Variants in SUGCT observed in about 807,000 individuals in gnomAD.
SUGCT encodes the protein succinyl-CoA:glutarate-CoA transferase, also known as succinyl-CoA:glutarate CoA-transferase.
SUGCT carries 41 observed loss-of-function variants against 55.0 expected under a neutral mutation model. The observed-to-expected ratio is 0.74, with a 90% CI of 0.58 to 0.97. The LOEUF (loss-of-function observed/expected upper bound fraction) is 0.97. Ranked by LOEUF, SUGCT falls within the 50% of genes least tolerant of loss-of-function variation. The pLI is 0.00. For synonymous variants in SUGCT, 187 were observed against 200.4 expected (o/e 0.93, Z 0.56); for missense variants, 568 against 547.8 (o/e 1.04, Z -0.37).
Position 40,723,715 on chromosome 7 carries a change from A to G in SUGCT, c.1090-25719A>G, listed in dbSNP as rs187313458. ...ACTTTTTGGTGAAAAAAACAAAAGT[A>G]TGACTTTCCAGGAAACACTAGAGTT... On this transcript the variant is annotated intron_variant, in intron 12 of 13. Transcript: ENST00000335693. 7.0e-4 allele frequency among the ~76,000 whole-genome samples: 106 copies of G among 152,348 alleles called. 1 individual carries two copies. Among genetic ancestry groups the G allele is most frequent in the African/African-American group, 2.4e-3 (99 of 41,580 alleles).
At chr7:40,792,909 A>G (rs1454549233) in intron 13 of SUGCT, among the ~76,000 whole-genome samples, 3 of 152,094 alleles carry the variant, frequency 2.0e-5, no homozygotes, top group African/African-American at 7.2e-5. Flanking sequence ...AGGCTTTTAA[A>G]AGTACAAATT....
chr7:40,205,141 C>A (rs1335912889), intron 6 of SUGCT, among the ~76,000 whole-genome samples: 4 of 150,988 alleles, frequency 2.6e-5, no homozygotes, highest in African/African-American at 9.7e-5. Flanking sequence ...GTACTCCTAG[C>A]TACTCGGGGA....
At chr7:40,868,691 A>T in the SUGCT span, among the ~76,000 whole-genome samples, 1 of 152,092 alleles carries the variant, frequency 6.6e-6, no homozygotes, top group Non-Finnish European at 1.5e-5. Flanking sequence ...GACTACAGGC[A>T]TGCACCACCA....
chr7:40,794,416 G>A (rs1322771705), intron 13 of SUGCT, among the ~76,000 whole-genome samples: 1 of 152,082 alleles, frequency 6.6e-6, no homozygotes, highest in African/African-American at 2.4e-5. Context: ...TGCTGTGTCA[G>A]GGTTCTTGCC....
At chr7:41,026,761 C>T in the SUGCT span, among the ~76,000 whole-genome samples, 2 of 152,206 alleles carry the variant, frequency 1.3e-5, no homozygotes, top group Non-Finnish European at 1.5e-5. Flanking sequence ...AGGCTGTGTG[C>T]GGTGGCTCAT....
chr7:40,928,423 A>G, the SUGCT span, among the ~76,000 whole-genome samples: 1 of 151,878 alleles, frequency 6.6e-6, no homozygotes, highest in Admixed American at 6.6e-5. Flanking sequence ...CTTTTATACC[A>G]TCATATCTGG....
intron 10 of SUGCT, among the ~76,000 whole-genome samples, chr7:40,456,896 T>A (rs958340099): frequency 6.6e-6 from 1 of 152,122 alleles, no homozygotes; most frequent in Non-Finnish European, 1.5e-5. Context: ...AATAGCGCCA[T>A]ATTGTGTAGA....
At chr7:40,924,717 T>A in the SUGCT span, among the ~76,000 whole-genome samples, 41 of 152,154 alleles carry the variant, frequency 2.7e-4, no homozygotes, top group Non-Finnish European at 7.3e-5. Flanking sequence ...GGGCTCAGAT[T>A]TACAGTGTGC....
At chr7:40,625,202 G>A (rs1417912560) in intron 12 of SUGCT, among the ~76,000 whole-genome samples, 1 of 151,882 alleles carries the variant, frequency 6.6e-6, no homozygotes, top group South Asian at 2.1e-4. Context: ...ACCTCCTCCG[G>A]CTGCATTTTT....
chr7:40,474,286 T>C (rs533051188), intron 11 of SUGCT, among the ~76,000 whole-genome samples: 1 of 152,052 alleles, frequency 6.6e-6, no homozygotes, highest in African/African-American at 2.4e-5. Context: ...AGGGAGAGGA[T>C]TCCAAGAAAT....
intron 12 of SUGCT, among the ~76,000 whole-genome samples, chr7:40,559,628 C>A (rs992687806): frequency 2.6e-5 from 4 of 152,210 alleles, no homozygotes; most frequent in Non-Finnish European, 5.9e-5. Context: ...ATCTCTGTAA[C>A]ATTTACTCTG....
chr7:40,614,577 G>A (rs1798906220), intron 12 of SUGCT, among the ~76,000 whole-genome samples: 1 of 152,112 alleles, frequency 6.6e-6, no homozygotes, highest in South Asian at 2.1e-4. Context: ...AATGGTAGTT[G>A]TGCTGTTTTT....
chr7:40,640,827 A>G (rs142337522), intron 12 of SUGCT, among the ~76,000 whole-genome samples: 18 of 152,360 alleles, frequency 1.2e-4, no homozygotes, highest in African/African-American at 3.8e-4. Flanking sequence ...CCTTTGCCAA[A>G]TGAAGCAGAC....
the SUGCT span, among the ~76,000 whole-genome samples, chr7:40,932,977 G>T: frequency 6.6e-6 from 1 of 152,088 alleles, no homozygotes; most frequent in Non-Finnish European, 1.5e-5. Flanking sequence ...CTGTCATTAT[G>T]ATGTTCGCTG....
intron 8 of SUGCT, among the ~76,000 whole-genome samples, chr7:40,302,510 A>C (rs1794594633): frequency 6.6e-6 from 1 of 152,210 alleles, no homozygotes; most frequent in Non-Finnish European, 1.5e-5. Flanking sequence ...GTCTCTGCTC[A>C]GGTCTTAAAA....
chr7:40,732,123 A>G (rs1786919895), intron 12 of SUGCT, among the ~76,000 whole-genome samples: 1 of 152,190 alleles, frequency 6.6e-6, no homozygotes, highest in Non-Finnish European at 1.5e-5. Flanking sequence ...TTCAAAATGA[A>G]GGTGTTGGCA....
At chr7:40,898,480 C>CGGGGGGGGGGGGGGGGGGGGGG in the SUGCT span, among the ~76,000 whole-genome samples, 3 of 5,718 alleles carry the variant, frequency 5.2e-4, 1 homozygote, top group Admixed American at 1.5e-3. Flanking sequence ...TCCGGGAGGT[C>CGGGGGGGGGGGGGGGGGGGGGG]GGGGGGGGGG....
chr7:40,743,764 C>T (rs943496931), intron 12 of SUGCT, among the ~76,000 whole-genome samples: 6 of 152,148 alleles, frequency 3.9e-5, no homozygotes, highest in Admixed American at 3.3e-4. Context: ...CTATTGGTAA[C>T]AGGAAAAACA....
intron 6 of SUGCT, among the ~76,000 whole-genome samples, chr7:40,218,033 G>A (rs1264810176): frequency 6.6e-6 from 1 of 152,112 alleles, no homozygotes; most frequent in African/African-American, 2.4e-5. Context: ...GGCTAACATG[G>A]TGAAACCCTG....
Sources: allele counts gnomAD v4.1 joint callset (sites outside exome capture counted in the v4.1 genomes callset), GRCh38; gene constraint gnomAD v4.1.1; transcripts MANE v1.5; gene names NCBI Gene and HGNC (gene_info 2026-07-23, HGNC 2026-07-21).